Variants in BCHE observed in about 807,000 individuals in gnomAD.
BCHE encodes the protein cholinesterase.
Under a neutral mutation model 51.3 loss-of-function variants are expected in BCHE, and 48 were observed. The observed-to-expected ratio is 0.94, with a 90% confidence interval of 0.74 to 1.19. The LOEUF (loss-of-function observed/expected upper bound fraction) is 1.19. BCHE is among the 50% of genes most tolerant of loss of function. BCHE has a pLI of 0.00. For synonymous variants in BCHE, 251 were observed against 238.0 expected, an observed-to-expected ratio of 1.05 and a Z score of -0.50; for missense variants, 847 against 708.2, an observed-to-expected ratio of 1.20 and a Z score of -2.23.
chr3:165,781,622 G>A (rs1712702978), intron 3 of BCHE, among the ~76,000 whole-genome samples: 1 of 152,042 alleles, frequency 6.6e-6, no homozygotes, highest in Non-Finnish European at 1.5e-5. Context: ...GAGAGCATTA[G>A]GACATATAGC....
chr3:165,778,068 C>T (rs1377083280), intron 3 of BCHE, among the ~76,000 whole-genome samples: 1 of 152,004 alleles, frequency 6.6e-6, no homozygotes, highest in Non-Finnish European at 1.5e-5. Flanking sequence ...AGATTTTCAA[C>T]TGTGCAGGGG....
At chr3:165,816,053 T>C (rs1373852220) in intron 2 of BCHE, among the ~76,000 whole-genome samples, 1 of 151,992 alleles carries the variant, frequency 6.6e-6, no homozygotes, top group African/African-American at 2.4e-5. Context: ...TCTTAAAATT[T>C]AGGGCACAGT....
Position 165,804,375 on chromosome 3 carries a change from AT to A in BCHE, c.1518-18065del, listed in dbSNP as rs200541376. Among the ~76,000 whole-genome samples, 659 of 151,476 alleles carry A rather than the reference AT, an allele frequency of 4.4e-3. 6 individuals are homozygous for A. The highest frequency in any genetic ancestry group is 0.043 in the East Asian group (222 of 5,164). On this transcript the variant is annotated intron_variant, in intron 2 of 3. Coordinates refer to ENST00000264381, the MANE Select transcript of BCHE (RefSeq NM_000055.4). Reference sequence around the variant, plus strand: ...GTGAAGTCTTTTTTTCAGATTACATATTTTTTTTTACAGTAGTAAAACTACA... The same window carrying A: ...GTGAAGTCTTTTTTTCAGATTACATATTTTTTTTACAGTAGTAAAACTACA...
intron 2 of BCHE, among the ~76,000 whole-genome samples, chr3:165,823,195 G>A (rs1714593231): frequency 6.6e-6 from 1 of 152,042 alleles, no homozygotes; most frequent in Admixed American, 6.6e-5. Flanking sequence ...AAATTTGCAT[G>A]TCCTTTAGTG....
At chr3:165,805,614 T>A (rs1576853480) in intron 2 of BCHE, among the ~76,000 whole-genome samples, 1 of 152,318 alleles carries the variant, frequency 6.6e-6, no homozygotes, top group East Asian at 1.9e-4. Flanking sequence ...CTGTAAGATC[T>A]GAGATACAGC....
intron 2 of BCHE, among the ~76,000 whole-genome samples, chr3:165,789,304 C>G (rs1166088079): frequency 4.3e-5 from 2 of 46,564 alleles, no homozygotes; most frequent in African/African-American, 1.3e-4. Flanking sequence ...CAAAAAAAAG[C>G]AGAGTATCTT....
intron 2 of BCHE, among the ~76,000 whole-genome samples, chr3:165,798,448 C>T (rs1406316231): frequency 6.6e-6 from 1 of 152,040 alleles, no homozygotes; most frequent in Non-Finnish European, 1.5e-5. Context: ...GAACTGAGCA[C>T]TTCTTATGCA....
At chr3:165,778,782 A>G (rs1038720714) in intron 3 of BCHE, 2 of 400,336 alleles carry the variant, frequency 5.0e-6, no homozygotes. Context: ...ACTTTTTAAA[A>G]GATAAATTAT....
intron 2 of BCHE, among the ~76,000 whole-genome samples, chr3:165,803,159 A>G (rs1713733240): frequency 6.6e-6 from 1 of 152,238 alleles, no homozygotes; most frequent in Non-Finnish European, 1.5e-5. Flanking sequence ...TAAATAATTA[A>G]TCATATATTC....
intron 2 of BCHE, among the ~76,000 whole-genome samples, chr3:165,820,489 A>G (rs1714474314): frequency 6.6e-6 from 1 of 152,062 alleles, no homozygotes; most frequent in South Asian, 2.1e-4. Flanking sequence ...AAAAAGATTT[A>G]AAGTGATAGA....
Position 165,786,165 on chromosome 3 carries a change from G to A in BCHE, c.1664C>T (p.Pro555Leu). The A allele has an allele frequency of 6.2e-7, 1 of 1,611,714 alleles. No homozygotes were observed. Among genetic ancestry groups the A allele is most frequent in the Non-Finnish European group, 8.5e-7 (1 of 1,178,376 alleles). Residue 555 changes from proline to leucine, a missense_variant, in exon 3 of 4, where the codon CCA becomes CTA. Transcript: ENST00000264381. Reference sequence around the variant, plus strand: ...CACACCTGTCATTTCCAAGACTTTTGGAAAAAATGATGTCCAGAATCGACA... The same window carrying A: ...CACACCTGTCATTTCCAAGACTTTTAGAAAAAATGATGTCCAGAATCGACA... Reference protein sequence around the residue: ...QQCRFWTSFFPKVLEMTGNID... With the variant: ...QQCRFWTSFFLKVLEMTGNID...
chr3:165,773,829 T>G (rs1220004495), intron 3 of BCHE, among the ~76,000 whole-genome samples: 1 of 152,226 alleles, frequency 6.6e-6, no homozygotes. Flanking sequence ...TATGTAGATA[T>G]TATGCTCTTT....
intron 2 of BCHE, among the ~76,000 whole-genome samples, chr3:165,813,449 G>C (rs77150711): frequency 0.034 from 5,109 of 151,502 alleles, 291 homozygotes; most frequent in African/African-American, 0.12. Flanking sequence ...TATATCTAAA[G>C]TAGGTTCAAA....
chr3:165,822,713 C>T (rs1714575905), intron 2 of BCHE, among the ~76,000 whole-genome samples: 1 of 152,016 alleles, frequency 6.6e-6, no homozygotes, highest in East Asian at 1.9e-4. Context: ...AAAAGATCAT[C>T]TGCAAGAGTA....
At chr3:165,788,913 T>C (rs561344581) in intron 2 of BCHE, among the ~76,000 whole-genome samples, 2 of 152,290 alleles carry the variant, frequency 1.3e-5, no homozygotes, top group South Asian at 4.1e-4. Flanking sequence ...CAGTATTTTA[T>C]TCTATAATTT....
chr3:165,800,908 A>C (rs1053469571), intron 2 of BCHE, among the ~76,000 whole-genome samples: 2 of 152,176 alleles, frequency 1.3e-5, no homozygotes, highest in Non-Finnish European at 1.5e-5. Context: ...AATAGATATT[A>C]ATTTATGTAG....
rs962555513 is a variant in BCHE, at chr3:165,830,370, G to T, written c.664C>A (p.Leu222Ile). The change falls in exon 2 of 4, where the codon CTC becomes ATC. Residue 222 changes from leucine (L) to isoleucine (I), a missense_variant. Physicochemically the swap from Leu to Ile is conservative, Grantham distance 5 (BLOSUM62 2). Transcript: ENST00000264381. ...AFGGNPKSVT[L>I]FGESAGAASV... ...GCTGCTCCTGCACTTTCTCCAAAGA[G>T]AGTTACACTTTTAGGATTTCCACCA... is the stretch of plus-strand genomic sequence containing the variant. The T allele has an allele frequency of 3.7e-6, 6 of 1,613,976 alleles. No homozygotes were observed. Among genetic ancestry groups the T allele is most frequent in the Non-Finnish European group, 3.4e-6 (4 of 1,179,930 alleles).
At chr3:165,779,540 C>G (rs1456705321) in intron 3 of BCHE, among the ~76,000 whole-genome samples, 3 of 152,202 alleles carry the variant, frequency 2.0e-5, no homozygotes, top group East Asian at 3.9e-4. Context: ...CCCAAAACCT[C>G]CTGAAGCTGA....
At chr3:165,812,048 T>C (rs1402338060) in intron 2 of BCHE, among the ~76,000 whole-genome samples, 1 of 152,068 alleles carries the variant, frequency 6.6e-6, no homozygotes, top group African/African-American at 2.4e-5. Context: ...TACTAAAGAC[T>C]GTGAATACTG....
Sources: gnomAD v4.1 joint callset for allele counts (sites outside exome capture counted in the v4.1 genomes callset) on GRCh38, gnomAD v4.1.1 for gene constraint, MANE v1.5 for transcripts, NCBI Gene and HGNC (gene_info 2026-07-23, HGNC 2026-07-21) for gene names.